The following AUH variants were observed in gnomAD, a reference collection of about 807,000 sequenced individuals.
The protein encoded by AUH is methylglutaconyl-CoA hydratase, mitochondrial.
In AUH, 29 loss-of-function variants were observed where a neutral mutation model predicts 42.3. That is an observed-to-expected ratio of 0.69 (90% confidence interval 0.51 to 0.93). The LOEUF is 0.93. AUH is among the 40% of genes least tolerant of loss of function. The pLI, the probability that AUH is intolerant of heterozygous loss-of-function variation, is 0.00. For synonymous variants in AUH, 174 were observed against 166.4 expected, an observed-to-expected ratio of 1.05 and a Z score of -0.35; for missense variants, 452 against 438.1, an observed-to-expected ratio of 1.03 and a Z score of -0.28.
At chr9:91,321,413 T>C (rs575164295) in intron 4 of AUH, among the ~76,000 whole-genome samples, 4 of 152,310 alleles carry the variant, frequency 2.6e-5, no homozygotes, top group East Asian at 3.9e-4. Flanking sequence ...TGTTTTGTTT[T>C]GTTTTCTTTG....
chr9:91,306,437 T>TA, intron 4 of AUH: 2 of 943,944 alleles, frequency 2.1e-6, no homozygotes, highest in South Asian at 4.9e-5. Context: ...CTATTTCTGA[T>TA]AAAAAGATAA....
intron 9 of AUH, 104 bp from the exon 10 acceptor site, chr9:91,214,529 T>G: frequency 1.0e-6 from 1 of 965,112 alleles, no homozygotes; most frequent in Non-Finnish European, 1.5e-6. Context: ...TCTAAAATTT[T>G]GAAATCAGTC....
intron 6 of AUH, among the ~76,000 whole-genome samples, chr9:91,283,614 T>G (rs1226920012): frequency 6.6e-6 from 1 of 151,410 alleles, no homozygotes; most frequent in Non-Finnish European, 1.5e-5. Flanking sequence ...TTCAGCAAAG[T>G]CTCAGGATAC....
chr9:91,219,283 C>T lies in AUH; in HGVS notation c.843+1522G>A, dbSNP rs536146397. Among the ~76,000 whole-genome samples the T allele has an allele frequency of 3.9e-5, 6 of 152,296 alleles. No individual in the cohort carries two copies. The East Asian group carries it at 1.2e-3, about 29-fold the overall frequency. ...AGAGCTGAACATCCATGTCAGGAGGCCAGGAGCGGGCTCTGCAGATCATCA... is the reference window on the plus strand; with the variant it reads ...AGAGCTGAACATCCATGTCAGGAGGTCAGGAGCGGGCTCTGCAGATCATCA... On this transcript the variant is annotated intron_variant, in intron 7 of 9. Transcript: ENST00000375731.
At chr9:91,360,462 A>G (rs2132116019) in intron 1 of AUH, 1 of 152,344 alleles carries the variant, frequency 6.6e-6, no homozygotes. Flanking sequence ...AGTAAGGAAT[A>G]AAGTCATTCA....
At chr9:91,323,994 G>A (rs1048909362) in intron 4 of AUH, among the ~76,000 whole-genome samples, 1 of 151,872 alleles carries the variant, frequency 6.6e-6, no homozygotes, top group Admixed American at 6.6e-5. Flanking sequence ...AATCAACAGA[G>A]AAAACCTTCA....
intron 3 of AUH, among the ~76,000 whole-genome samples, chr9:91,328,183 C>T (rs754120331): frequency 6.6e-6 from 1 of 152,174 alleles, no homozygotes; most frequent in Non-Finnish European, 1.5e-5. Context: ...TCCTTGGGGA[C>T]ATCACTCACT....
At chr9:91,351,772 G>A in intron 3 of AUH, among the ~76,000 whole-genome samples, 1 of 152,292 alleles carries the variant, frequency 6.6e-6, no homozygotes, top group Non-Finnish European at 1.5e-5. Context: ...CGCTCCTTAT[G>A]AGAATCAGGC....
At chr9:91,313,136 G>A (rs1375014069) in intron 4 of AUH, among the ~76,000 whole-genome samples, 1 of 152,126 alleles carries the variant, frequency 6.6e-6, no homozygotes, top group Non-Finnish European at 1.5e-5. Context: ...CAGGTAGACT[G>A]GAATCTCCTG....
intron 6 of AUH, among the ~76,000 whole-genome samples, chr9:91,227,384 A>AT (rs1163823074): frequency 1.7e-5 from 2 of 120,500 alleles, no homozygotes; most frequent in African/African-American, 5.9e-5. Context: ...AATGCTTGTG[A>AT]TTTTTGCACA....
intron 3 of AUH, among the ~76,000 whole-genome samples, chr9:91,331,896 A>G (rs964603946): frequency 7.2e-5 from 11 of 152,202 alleles, no homozygotes; most frequent in Non-Finnish European, 1.6e-4. Context: ...TCAACAGCCA[A>G]AAACGTCCCT....
chr9:91,243,971 CT>C (rs1828656687), intron 6 of AUH, among the ~76,000 whole-genome samples: 1 of 152,178 alleles, frequency 6.6e-6, no homozygotes, highest in African/African-American at 2.4e-5. Flanking sequence ...ATGAGCCATT[CT>C]TCTTAGCATA....
chr9:91,339,047 G>T (rs1564116618), intron 3 of AUH, among the ~76,000 whole-genome samples: 1 of 152,012 alleles, frequency 6.6e-6, no homozygotes, highest in Non-Finnish European at 1.5e-5. Flanking sequence ...CCACAATAAA[G>T]AAATAACCTA....
intron 4 of AUH, among the ~76,000 whole-genome samples, chr9:91,307,274 C>T (rs1288029318): frequency 1.3e-5 from 2 of 152,078 alleles, no homozygotes; most frequent in East Asian, 3.9e-4. Context: ...ATTATATGAT[C>T]TAATTGATCT....
intron 3 of AUH, among the ~76,000 whole-genome samples, chr9:91,347,286 A>G (rs1447154638): frequency 6.6e-6 from 1 of 152,082 alleles, no homozygotes; most frequent in Non-Finnish European, 1.5e-5. Context: ...GCTGGTCTCA[A>G]ACTCAAGCCA....
At chr9:91,298,673 C>T (rs1218344193) in intron 4 of AUH, among the ~76,000 whole-genome samples, 1 of 152,174 alleles carries the variant, frequency 6.6e-6, no homozygotes, top group Non-Finnish European at 1.5e-5. Context: ...AACCTGCTCA[C>T]AAGCATGCCT....
chr9:91,263,832 C>T (rs1829827054), intron 6 of AUH, among the ~76,000 whole-genome samples: 1 of 151,818 alleles, frequency 6.6e-6, no homozygotes, highest in Non-Finnish European at 1.5e-5. Flanking sequence ...TAGAATTTAG[C>T]TCATCTACAC....
At chr9:91,325,229 A>G in intron 4 of AUH, 89 bp downstream of exon 4, 1 of 1,001,382 alleles carries the variant, frequency 1.0e-6, no homozygotes, top group Non-Finnish European at 1.6e-6. Context: ...TAAATATTTA[A>G]CCAATGCTTA....
chr9:91,318,235 T>C (rs1237113303), intron 4 of AUH, among the ~76,000 whole-genome samples: 2 of 152,230 alleles, frequency 1.3e-5, no homozygotes, highest in African/African-American at 4.8e-5. Context: ...GCTTTCTCTG[T>C]GAAAAAGTTT....
Sources: gnomAD v4.1 joint callset for allele counts (sites outside exome capture counted in the v4.1 genomes callset) on GRCh38, gnomAD v4.1.1 for gene constraint, MANE v1.5 for transcripts, NCBI Gene and HGNC (gene_info 2026-07-23, HGNC 2026-07-21) for gene names.